The following GTF2B variants were observed in gnomAD, a reference collection of about 807,000 sequenced individuals.
The protein encoded by GTF2B is transcription initiation factor IIB.
GTF2B carries 20 observed loss-of-function variants against 34.6 expected under a neutral mutation model. The ratio of observed to expected loss-of-function variants is 0.58; its 90% CI spans 0.41 to 0.84. The LOEUF (loss-of-function observed/expected upper bound fraction) is 0.84, where lower values mean the gene tolerates loss of function less well. Among genes scored for constraint, GTF2B ranks in the 40% least tolerant of loss-of-function variants. GTF2B has a pLI of 0.00. For synonymous variants in GTF2B, 142 were observed against 132.4 expected, an observed-to-expected ratio of 1.07 and a Z score of -0.50; for missense variants, 237 against 393.3, an observed-to-expected ratio of 0.60 and a Z score of 3.36.
At chr1:88,878,084 C>A (rs1041099200) in intron 2 of GTF2B, among the ~76,000 whole-genome samples, 7 of 152,152 alleles carry the variant, frequency 4.6e-5, no homozygotes, top group African/African-American at 1.7e-4. Flanking sequence ...GCATGGGCAA[C>A]ACAGCTAAAC....
intron 6 of GTF2B, among the ~76,000 whole-genome samples, chr1:88,856,296 A>AAAAAAAAAAAAAAAAAAAT (rs1673313313): frequency 6.7e-6 from 1 of 148,538 alleles, no homozygotes; most frequent in Non-Finnish European, 1.5e-5. Flanking sequence ...AAAAACAAAA[A>AAAAAAAAAAAAAAAAAAAT]AAAAAAAGGA....
intron 6 of GTF2B, among the ~76,000 whole-genome samples, chr1:88,854,108 A>G (rs1369012771): frequency 6.6e-6 from 1 of 152,172 alleles, no homozygotes; most frequent in African/African-American, 2.4e-5. Flanking sequence ...AGTACTCCAC[A>G]AATATGTTCT....
At chr1:88,855,698 A>G (rs1673288197) in intron 6 of GTF2B, among the ~76,000 whole-genome samples, 2 of 152,042 alleles carry the variant, frequency 1.3e-5, no homozygotes, top group South Asian at 4.1e-4. Context: ...CCATCAACCC[A>G]GGCTGGAGGG....
chr1:88,859,197 C>T (rs1243919362), intron 5 of GTF2B, among the ~76,000 whole-genome samples: 1 of 152,078 alleles, frequency 6.6e-6, no homozygotes, highest in Non-Finnish European at 1.5e-5. Flanking sequence ...TTGACTCCCT[C>T]ATCTACAGAG....
At chr1:88,883,525 G>A (rs994182200) in intron 2 of GTF2B, among the ~76,000 whole-genome samples, 4 of 151,850 alleles carry the variant, frequency 2.6e-5, no homozygotes, top group Non-Finnish European at 5.9e-5. Context: ...ACTAGTCTGG[G>A]CAACGCTGTG....
At chr1:88,859,799 G>A in intron 5 of GTF2B, 83 bp downstream of exon 5, 3 of 1,253,850 alleles carry the variant, frequency 2.4e-6, no homozygotes, top group Non-Finnish European at 3.4e-6. Flanking sequence ...TTGCGCCACT[G>A]CACTCTGGCC....
chr1:88,886,443 T>G (rs968346746), intron 2 of GTF2B, among the ~76,000 whole-genome samples: 8 of 152,212 alleles, frequency 5.3e-5, no homozygotes, highest in African/African-American at 1.4e-4. Context: ...AGGAACAAGG[T>G]GAAACTTTAA....
rs546692802 is a variant in GTF2B, at chr1:88,882,810, T to G, written c.124+4451A>C. On this transcript the variant is annotated intron_variant, in intron 2 of 6. Coordinates refer to ENST00000370500, the MANE Select transcript of GTF2B (RefSeq NM_001514.6). ...TGCTTGGAAGGCATTCATAGAATTG[T>G]ATTACATTCTTCTCCTGATAATGGC... Among the ~76,000 whole-genome samples the G allele has an allele frequency of 2.1e-3, 316 of 152,374 alleles. 2 individuals carry two copies. Among genetic ancestry groups the G allele is most frequent in the Non-Finnish European group, 3.9e-3 (263 of 68,040 alleles).
chr1:88,865,839 T>C (rs1673535252), intron 2 of GTF2B, among the ~76,000 whole-genome samples: 2 of 135,958 alleles, frequency 1.5e-5, no homozygotes, highest in Non-Finnish European at 3.0e-5. Context: ...AAACTCCATC[T>C]CAAAAAAAAA....
chr1:88,883,646 A>G (rs58186958), intron 2 of GTF2B, among the ~76,000 whole-genome samples: 8,651 of 152,058 alleles, frequency 0.057, 489 homozygotes, highest in African/African-American at 0.14. Context: ...TGAGAAACAG[A>G]GTGAGACTCT....
At chr1:88,879,986 G>C (rs1489973633) in intron 2 of GTF2B, among the ~76,000 whole-genome samples, 1 of 152,016 alleles carries the variant, frequency 6.6e-6, no homozygotes, top group Non-Finnish European at 1.5e-5. Flanking sequence ...CTGAACCCGG[G>C]AGGTGGAGGT....
intron 2 of GTF2B, among the ~76,000 whole-genome samples, chr1:88,869,089 T>C (rs1673628815): frequency 6.6e-6 from 1 of 152,134 alleles, no homozygotes; most frequent in African/African-American, 2.4e-5. Flanking sequence ...ATTGAAAACA[T>C]TTGGAGAAAA....
At chr1:88,879,821 C>T (rs1047403693) in intron 2 of GTF2B, among the ~76,000 whole-genome samples, 4 of 151,900 alleles carry the variant, frequency 2.6e-5, no homozygotes, top group African/African-American at 4.8e-5. Context: ...TTTGGGAGGT[C>T]GAGGCGGGTG....
At chr1:88,871,982 C>T (rs879686940) in intron 2 of GTF2B, among the ~76,000 whole-genome samples, 4 of 152,056 alleles carry the variant, frequency 2.6e-5, no homozygotes, top group Admixed American at 6.6e-5. Flanking sequence ...GTCCACCCAC[C>T]TCAGCCTCCC....
chr1:88,857,527 C>A, intron 5 of GTF2B, 40 bp from the exon 6 acceptor site: 1 of 1,019,134 alleles, frequency 9.8e-7, no homozygotes, highest in South Asian at 1.5e-5. Flanking sequence ...TCACTTAAGC[C>A]ATATAGTTCA....
At chr1:88,866,388 G>A (rs1347640837) in intron 2 of GTF2B, among the ~76,000 whole-genome samples, 3 of 152,086 alleles carry the variant, frequency 2.0e-5, no homozygotes, top group Non-Finnish European at 4.4e-5. Flanking sequence ...CATTTCTGAA[G>A]CCTCTGACAA....
chr1:88,853,363 G>GA lies in GTF2B; in HGVS notation c.818-18dup. 1 of 1,607,946 alleles carries GA rather than the reference G, an allele frequency of 6.2e-7. No homozygotes were observed. Among genetic ancestry groups the GA allele is most frequent in the Non-Finnish European group, 8.5e-7 (1 of 1,175,064 alleles). Reference sequence around the variant, plus strand: ...CTCCAATTTCTAAAAGACAAAAATCGAAACATTAACCATCATTTCCATCCT... The same window carrying GA: ...CTCCAATTTCTAAAAGACAAAAATCGAAAACATTAACCATCATTTCCATCCT... On this transcript the variant is annotated splice_polypyrimidine_tract_variant and intron_variant, in intron 6 of 6. Coordinates refer to ENST00000370500, the MANE Select transcript of GTF2B (RefSeq NM_001514.6).
rs200733715 is a variant in GTF2B, at chr1:88,891,475, A to G, written c.17+8T>C. Reference sequence around the variant, plus strand: ...CTCAGCTCGCCGGGCTCGGCGGGACATACTAACCGGCTGGTAGACGCCATC... The same window carrying G: ...CTCAGCTCGCCGGGCTCGGCGGGACGTACTAACCGGCTGGTAGACGCCATC... On this transcript the variant is annotated splice_region_variant and intron_variant, in intron 1 of 6. Coordinates refer to ENST00000370500, the MANE Select transcript of GTF2B (RefSeq NM_001514.6). 851 of 1,602,394 alleles carry G rather than the reference A, an allele frequency of 5.3e-4. 7 individuals are homozygous for G. In the African/African-American group the frequency reaches 0.01, roughly 19 times the overall value.
chr1:88,859,632 T>C (rs1264416899), intron 5 of GTF2B, among the ~76,000 whole-genome samples: 1 of 152,156 alleles, frequency 6.6e-6, no homozygotes, highest in African/African-American at 2.4e-5. Flanking sequence ...GGTCAGAAGT[T>C]TGAGACCAGC....
Sources: gnomAD v4.1 joint callset for allele counts (sites outside exome capture counted in the v4.1 genomes callset) on GRCh38, gnomAD v4.1.1 for gene constraint, MANE v1.5 for transcripts, NCBI Gene and HGNC (gene_info 2026-07-23, HGNC 2026-07-21) for gene names.